PIBF1: variants seen among roughly 807,000 people sequenced by gnomAD.
PIBF1 encodes progesterone-induced-blocking factor 1.
Under a neutral mutation model 112.5 loss-of-function variants are expected in PIBF1, and 90 were observed. The ratio of observed to expected loss-of-function variants is 0.80; its 90% confidence interval spans 0.67 to 0.95. PIBF1 has a LOEUF of 0.95. PIBF1 is among the 40% of genes least tolerant of loss of function. PIBF1 has a pLI of 0.00. For synonymous variants in PIBF1, 301 were observed against 288.6 expected, an observed-to-expected ratio of 1.04 and a Z score of -0.44; for missense variants, 915 against 852.3, an observed-to-expected ratio of 1.07 and a Z score of -0.92.
chr13:72,907,293 TCTTC>T lies in PIBF1; in HGVS notation c.1489-1233_1489-1230del, dbSNP rs1176005409. ...CTGCTCATTGAGAACTGTAAATAGG[TCTTC>T]CTTCTCCCTTTTTCCACATCACAGA... On this transcript the variant is annotated intron_variant, in intron 11 of 17. Coordinates refer to ENST00000326291, the MANE Select transcript of PIBF1 (RefSeq NM_006346.4). Among the ~76,000 whole-genome samples, 23 of 152,216 alleles carry T rather than the reference TCTTC, an allele frequency of 1.5e-4. No homozygotes were observed. In the East Asian group the frequency reaches 3.9e-3, roughly 26 times the overall value.
intron 5 of PIBF1, among the ~76,000 whole-genome samples, chr13:72,818,597 T>G (rs1452204602): frequency 1.3e-5 from 2 of 151,854 alleles, no homozygotes; most frequent in East Asian, 3.9e-4. Context: ...TAACAGAATT[T>G]CCAATCCATA....
chr13:72,799,786 A>T (rs1253541258), intron 5 of PIBF1, among the ~76,000 whole-genome samples: 2 of 152,152 alleles, frequency 1.3e-5, no homozygotes, highest in East Asian at 3.9e-4. Flanking sequence ...AGCATCCCTC[A>T]AGGACTTCTT....
chr13:72,841,421 C>T (rs1204196269), intron 9 of PIBF1, among the ~76,000 whole-genome samples: 1 of 152,164 alleles, frequency 6.6e-6, no homozygotes, highest in Admixed American at 6.5e-5. Context: ...CTACCACTTA[C>T]TAGCTCAGCA....
chr13:73,003,010 C>T (rs985756473), intron 17 of PIBF1, among the ~76,000 whole-genome samples: 3 of 87,324 alleles, frequency 3.4e-5, no homozygotes, highest in Non-Finnish European at 7.4e-5. Context: ...AAAAAAAAGC[C>T]TTAGGCTCTA....
intron 14 of PIBF1, among the ~76,000 whole-genome samples, chr13:72,933,682 T>A (rs1011167272): frequency 1.4e-4 from 22 of 152,054 alleles, no homozygotes; most frequent in African/African-American, 4.3e-4. Flanking sequence ...AAGAAAGAAT[T>A]TCTAAATGTG....
chr13:72,836,085 C>T (rs914131492), intron 9 of PIBF1: 25 of 443,076 alleles, frequency 5.6e-5, no homozygotes, highest in African/African-American at 2.8e-4. Context: ...GGCGAAAGTG[C>T]GAGACACCAT....
rs80251287 is a variant in PIBF1, at chr13:72,996,983, G to C, written c.2050-1839G>C. ...ATTTCAGAAACTGCTAATATTTTTT[G>C]TACAGTCACATTAACGAAAGTGGTA... On this transcript the variant is annotated intron_variant, in intron 16 of 17. Coordinates refer to ENST00000326291, the MANE Select transcript of PIBF1 (RefSeq NM_006346.4). 4.2e-4 allele frequency among the ~76,000 whole-genome samples: 64 copies of C among 152,200 alleles called. 5 individuals are homozygous for C. The East Asian group carries it at 0.012, about 29-fold the overall frequency.
chr13:72,922,392 A>G (rs2041329878), intron 13 of PIBF1, among the ~76,000 whole-genome samples: 1 of 152,110 alleles, frequency 6.6e-6, no homozygotes, highest in Admixed American at 6.6e-5. Flanking sequence ...ATCTGAAGTA[A>G]TGTTTTCCTT....
Position 72,953,371 on chromosome 13 carries a change from C to CAG in PIBF1, c.1834-11903_1834-11902insAG, listed in dbSNP as rs1480597238. 2.0e-5 allele frequency among the ~76,000 whole-genome samples: 3 copies of CAG among 152,134 alleles called. No homozygotes were observed. The South Asian group carries it at 6.2e-4, about 32-fold the overall frequency. On this transcript the variant is annotated intron_variant, in intron 14 of 17. Transcript: ENST00000326291. ...GGTGCCTCCGTAATGTGCGGCACTC[C>CAG]CCCTTTACCTGGAGGGCCAGACTAC...
chr13:72,924,353 A>T (rs1293068053), intron 13 of PIBF1, among the ~76,000 whole-genome samples: 1 of 152,054 alleles, frequency 6.6e-6, no homozygotes, highest in Non-Finnish European at 1.5e-5. Context: ...CTTAATGTTG[A>T]GGTGCTGCAA....
intron 14 of PIBF1, among the ~76,000 whole-genome samples, chr13:72,932,567 G>C (rs2041744483): frequency 6.6e-6 from 1 of 152,028 alleles, no homozygotes; most frequent in African/African-American, 2.4e-5. Context: ...ACATTGGCTT[G>C]TATCTCTTTT....
Position 72,814,724 on chromosome 13 carries a change from T to C in PIBF1, c.673-7125T>C, listed in dbSNP as rs1232427113. ...CCAAAGGAAAATCTGTAGCCGGAAA[T>C]GCCTTTATTATTTAAAAAAAAAGAT... On this transcript the variant is annotated intron_variant, in intron 5 of 17. Coordinates refer to ENST00000326291, the MANE Select transcript of PIBF1 (RefSeq NM_006346.4). 3.3e-5 allele frequency among the ~76,000 whole-genome samples: 5 copies of C among 151,980 alleles called. No homozygotes were observed. In the South Asian group the frequency reaches 1.0e-3, roughly 31 times the overall value.
intron 16 of PIBF1, among the ~76,000 whole-genome samples, chr13:72,980,367 C>T (rs9573077): frequency 0.48 from 72,837 of 151,982 alleles, 18,626 homozygotes; most frequent in East Asian, 0.74. Flanking sequence ...GCATCAGTGA[C>T]GAGCATCAGG....
chr13:72,878,894 G>GA (rs1216286138), intron 10 of PIBF1, among the ~76,000 whole-genome samples: 1 of 152,104 alleles, frequency 6.6e-6, no homozygotes, highest in East Asian at 1.9e-4. Flanking sequence ...TTCTTGCTCT[G>GA]AAGTCTGTTC....
At position 72,795,555 on chromosome 13, in the gene PIBF1, T is replaced by C. The variant is rs751143487; in HGVS notation, c.550T>C (p.Ser184Pro). 6.8e-7 allele frequency: 1 copy of C among 1,474,688 alleles called. No homozygotes were observed. 91.4% of individuals were successfully genotyped at this position (1,474,688 alleles called of 1,614,324 possible). The change falls in exon 4 of 18, where the codon TCT (serine) becomes CCT (proline). Residue 184 changes from serine (S) to proline (P), a missense_variant and splice_region_variant. Physicochemically the swap from Ser to Pro is moderately conservative, Grantham distance 74. Transcript: ENST00000326291. Reference protein sequence around the residue: ...EDQLSIPEYVSVRFYELVNPL... With the variant: ...EDQLSIPEYVPVRFYELVNPL... ...TCAGCTTTCTATTCCTGAATATGTA[T>C]CTGTAAGTATCTTATATCTATTTTT...
At chr13:72,946,939 A>G (rs534275806) in intron 14 of PIBF1, among the ~76,000 whole-genome samples, 1 of 152,280 alleles carries the variant, frequency 6.6e-6, no homozygotes, top group African/African-American at 2.4e-5. Flanking sequence ...TAGTAGATCT[A>G]CAGTTCTGGG....
intron 17 of PIBF1, among the ~76,000 whole-genome samples, chr13:73,014,499 A>G (rs537485296): frequency 2.8e-4 from 42 of 152,326 alleles, no homozygotes; most frequent in African/African-American, 8.4e-4. Context: ...ATGCCTGTCT[A>G]TAGACATTTG....
intron 16 of PIBF1, among the ~76,000 whole-genome samples, chr13:72,988,703 T>A (rs1204442632): frequency 2.6e-5 from 4 of 152,190 alleles, no homozygotes; most frequent in African/African-American, 7.2e-5. Context: ...TTTTAAAAAA[T>A]TTTTATCTGT....
At chr13:72,953,932 GCTA>G (rs2042371942) in intron 14 of PIBF1, among the ~76,000 whole-genome samples, 1 of 152,098 alleles carries the variant, frequency 6.6e-6, no homozygotes, top group Non-Finnish European at 1.5e-5. Flanking sequence ...ATTGTGTTAT[GCTA>G]CCAGGGCTCA....
Sources: allele counts gnomAD v4.1 joint callset (sites outside exome capture counted in the v4.1 genomes callset), GRCh38; gene constraint gnomAD v4.1.1; transcripts MANE v1.5; gene names NCBI Gene and HGNC (gene_info 2026-07-23, HGNC 2026-07-21).